Variants in CXCL12 observed in about 807,000 individuals in gnomAD.
CXCL12 encodes the protein stromal cell-derived factor 1.
A neutral mutation model predicts 10.7 loss-of-function variants in CXCL12; 4 were observed. The observed-to-expected ratio is 0.37, with a 90% CI of 0.18 to 0.86. The LOEUF (loss-of-function observed/expected upper bound fraction) is 0.86. CXCL12 is among the 40% of genes least tolerant of loss of function. The pLI is 0.43. For synonymous variants in CXCL12, 54 were observed against 45.4 expected (o/e 1.19, Z -0.77); for missense variants, 122 against 110.4 (o/e 1.10, Z -0.47).
downstream of CXCL12, among the ~76,000 whole-genome samples, chr10:44,375,294 G>A (rs565876903): frequency 5.9e-4 from 90 of 152,346 alleles, 1 homozygote; most frequent in African/African-American, 2.1e-3. Context: ...ACCCGGGCTT[G>A]GGGATAAAGC....
intron 1 of CXCL12, among the ~76,000 whole-genome samples, chr10:44,382,895 C>T (rs1839674477): frequency 6.6e-6 from 1 of 152,222 alleles, no homozygotes; most frequent in Admixed American, 6.5e-5. Context: ...GACTAACTTT[C>T]CCAACCGTTC....
intron 2 of CXCL12, 59 bp downstream of exon 2, chr10:44,380,704 T>A (rs1839603633): frequency 7.1e-7 from 1 of 1,406,714 alleles, no homozygotes; most frequent in Non-Finnish European, 1.0e-6. Context: ...GGGTTAGATG[T>A]TACTATGTTC....
chr10:44,370,344 C>A (rs888086602), exon 4 of CXCL12: 1 of 152,558 alleles, frequency 6.6e-6, no homozygotes, highest in African/African-American at 2.4e-5. Flanking sequence ...CTGGGAGATG[C>A]AATTGAAACA....
intron 1 of CXCL12, 84 bp downstream of exon 1, chr10:44,384,861 C>A: frequency 7.3e-7 from 1 of 1,374,466 alleles, no homozygotes. Flanking sequence ...AAACTGCGGG[C>A]GCAGGCAGAG....
At position 44,377,203 on chromosome 10, in the gene CXCL12, G is replaced by A; in HGVS notation, c.*1430C>T. ...CATTTGATACAATTTTAGTACAAGT[G>A]AAAAAATACACTGTGGCTAACATTG... On this transcript the variant is annotated 3_prime_UTR_variant, in exon 3 of 3. Coordinates refer to ENST00000343575, the MANE Select transcript of CXCL12 (RefSeq NM_199168.4). The A allele has an allele frequency of 1.0e-6, 1 of 986,908 alleles. No homozygotes were observed. Among genetic ancestry groups the A allele is most frequent in the Non-Finnish European group, 1.2e-6 (1 of 831,042 alleles). 61.1% of individuals were successfully genotyped at this position (986,908 alleles called of 1,614,324 possible).
chr10:44,373,601 G>A (rs568623310), downstream of CXCL12, among the ~76,000 whole-genome samples: 1 of 152,338 alleles, frequency 6.6e-6, no homozygotes, highest in South Asian at 2.1e-4. Context: ...GGGCGTGGCA[G>A]ACGCACGAAG....
At chr10:44,375,287 C>T (rs368218931), downstream of CXCL12, among the ~76,000 whole-genome samples, 7 of 152,220 alleles carry the variant, frequency 4.6e-5, no homozygotes, top group African/African-American at 9.6e-5. Context: ...GAAACCCACC[C>T]GGGCTTGGGG....
rs1284567110 is a variant in CXCL12 at position 44,378,053 on chromosome 10, G to A, written c.*580C>T. 1.0e-5 allele frequency: 15 copies of A among 1,477,682 alleles called. No homozygotes were observed. The highest frequency in any genetic ancestry group is 1.3e-5 in the Non-Finnish European group (15 of 1,124,700). The allele number at this position is 1,477,682 out of a possible 1,614,324, so 91.5% of individuals were successfully genotyped here. A position where few individuals can be genotyped will look rare whatever the true frequency, so the allele number is the denominator to read the frequency against. On this transcript the variant is annotated 3_prime_UTR_variant, in exon 3 of 3. Transcript: ENST00000343575. ...ACAGAGCCAATCACTGAGGTTGAAAGAGGAGGTGAAGGCAGTGGCGGCGCC... is the reference window on the plus strand; with the variant it reads ...ACAGAGCCAATCACTGAGGTTGAAAAAGGAGGTGAAGGCAGTGGCGGCGCC...
chr10:44,373,340 C>G, downstream of CXCL12: 2 of 1,607,772 alleles, frequency 1.2e-6, no homozygotes, highest in Non-Finnish European at 1.7e-6. Context: ...ACATCTTGAA[C>G]CTCCTGTTGA....
chr10:44,381,255 A>T (rs760275431), intron 1 of CXCL12, among the ~76,000 whole-genome samples: 2 of 152,226 alleles, frequency 1.3e-5, no homozygotes, highest in African/African-American at 2.4e-5. Flanking sequence ...AAATTCCTCA[A>T]GGGACAACTG....
downstream of CXCL12, among the ~76,000 whole-genome samples, chr10:44,373,763 C>T (rs1000187218): frequency 8.5e-5 from 13 of 152,176 alleles, no homozygotes; most frequent in Admixed American, 2.0e-4. Context: ...AGTAACCCTT[C>T]GCCCTCGGGG....
rs1341963937 is a variant in CXCL12 at position 44,378,081 on chromosome 10, G to A, written c.*552C>T. Reference sequence around the variant, plus strand: ...GAGGTGAAGGCAGTGGCGGCGCCCAGCCCCAGTCGGTATCTGAGTGCCACA... The same window carrying A: ...GAGGTGAAGGCAGTGGCGGCGCCCAACCCCAGTCGGTATCTGAGTGCCACA... On this transcript the variant is annotated 3_prime_UTR_variant, in exon 3 of 3. Transcript: ENST00000343575. The A allele has an allele frequency of 1.4e-6, 2 of 1,454,842 alleles. No homozygotes were observed. Among genetic ancestry groups the A allele is most frequent in the Non-Finnish European group, 1.8e-6 (2 of 1,112,458 alleles). The allele number at this position is 1,454,842 out of a possible 1,614,324, so 90.1% of individuals were successfully genotyped here. A position where few individuals can be genotyped will look rare whatever the true frequency, so the allele number is the denominator to read the frequency against.
rs984773911 is a variant in CXCL12 at position 44,381,022 on chromosome 10, G to A, written c.62-142C>T. ...AAGTTCCAGGTTACTGGTGTATGTT[G>A]GGAAAGGCCATCTCCTCAGGCAACA... On this transcript the variant is annotated intron_variant, in intron 1 of 2. Transcript: ENST00000343575. 3.2e-5 allele frequency: 24 copies of A among 748,604 alleles called. No individual in the cohort carries two copies. The African/African-American group carries it at 3.6e-4, about 11-fold the overall frequency. 46.4% of individuals were successfully genotyped at this position (748,604 alleles called of 1,614,324 possible). A position where few individuals can be genotyped will look rare whatever the true frequency, so the allele number is the denominator to read the frequency against.
intron 2 of CXCL12, chr10:44,380,433 G>C (rs959276020): frequency 1.9e-5 from 5 of 265,434 alleles, no homozygotes; most frequent in Admixed American, 4.7e-5. Context: ...CTAAGGGCTG[G>C]CTAATTTACT....
chr10:44,375,846 G>A, downstream of CXCL12: 1 of 1,574,730 alleles, frequency 6.4e-7, no homozygotes, highest in Non-Finnish European at 8.6e-7. Flanking sequence ...CCCCTGCCCA[G>A]TCTGCATGGG....
At chr10:44,380,648 A>G in intron 2 of CXCL12, 115 bp downstream of exon 2, 1 of 874,482 alleles carries the variant, frequency 1.1e-6, no homozygotes, top group Non-Finnish European at 1.9e-6. Context: ...TGCCAAGTTC[A>G]AGGTTGGACA....
chr10:44,384,707 C>T (rs1839743534), intron 1 of CXCL12, among the ~76,000 whole-genome samples: 1 of 152,252 alleles, frequency 6.6e-6, no homozygotes, highest in African/African-American at 2.4e-5. Context: ...CCCGGCTGAC[C>T]TCGCTCTGCA....
downstream of CXCL12, among the ~76,000 whole-genome samples, chr10:44,373,863 T>C (rs1202330034): frequency 1.3e-5 from 2 of 152,144 alleles, no homozygotes; most frequent in Non-Finnish European, 2.9e-5. Context: ...GGCCAGGACC[T>C]CCCAGGAGGA....
downstream of CXCL12, chr10:44,371,446 G>C (rs1054391070): frequency 1.6e-5 from 6 of 373,806 alleles, no homozygotes; most frequent in African/African-American, 1.3e-4. Flanking sequence ...CTGGTATAGT[G>C]AGAGGTTAAT....
Sources: allele counts gnomAD v4.1 joint callset (sites outside exome capture counted in the v4.1 genomes callset), GRCh38; gene constraint gnomAD v4.1.1; transcripts MANE v1.5; gene names NCBI Gene and HGNC (gene_info 2026-07-23, HGNC 2026-07-21).